Variants in PITPNC1 observed in about 807,000 individuals in gnomAD.
The protein encoded by PITPNC1 is phosphatidylinositol transfer protein cytoplasmic 1, also known as cytoplasmic phosphatidylinositol transfer protein 1.
A neutral mutation model predicts 44.7 loss-of-function variants in PITPNC1; 18 were observed. That is an observed-to-expected ratio of 0.40 (90% confidence interval 0.28 to 0.60). The LOEUF (loss-of-function observed/expected upper bound fraction) is 0.60, where lower values mean the gene tolerates loss of function less well. Ranked by LOEUF, PITPNC1 falls within the 20% of genes least tolerant of loss-of-function variation. The pLI, the probability that PITPNC1 is intolerant of heterozygous loss-of-function variation, is 0.39. For synonymous variants in PITPNC1, 141 were observed against 149.6 expected, an observed-to-expected ratio of 0.94 and a Z score of 0.42; for missense variants, 290 against 418.4, an observed-to-expected ratio of 0.69 and a Z score of 2.68.
rs141939350 is a variant in PITPNC1, at chr17:67,562,651, AGTCATAC to A, written c.294+9037_294+9043del. Among the ~76,000 whole-genome samples the A allele has an allele frequency of 6.8e-3, 1,031 of 152,172 alleles. 12 individuals carry two copies. The highest frequency in any genetic ancestry group is 0.024 in the African/African-American group (977 of 41,502). On this transcript the variant is annotated intron_variant, in intron 4 of 8. Transcript: ENST00000581322. ...AACCACCCACCTTATTTGTATCTAA[AGTCATAC>A]GTAACCCTCACAAGGCAGAAGGGCG...
Position 67,508,335 on chromosome 17 carries a change from TTAA to T in PITPNC1, c.49-24465_49-24463del, listed in dbSNP as rs1157281014. Among the ~76,000 whole-genome samples the T allele has an allele frequency of 1.3e-5, 2 of 152,258 alleles. No homozygotes were observed. Among genetic ancestry groups the T allele is most frequent in the African/African-American group, 4.8e-5 (2 of 41,466 alleles). ...GGTTGCCCAGTTTTACGGTTATTTC[TTAA>T]TGATGTGCTAAACAAGGGGTGGGTT... On this transcript the variant is annotated intron_variant, in intron 1 of 8. Coordinates refer to ENST00000581322, the MANE Select transcript of PITPNC1 (RefSeq NM_012417.4). This position sits in a 1 kb window ranked among gnomAD's most constrained non-coding sequence, Gnocchi z 4.2.
chr17:67,609,129 T>C (rs547091452), intron 5 of PITPNC1, among the ~76,000 whole-genome samples: 1 of 152,028 alleles, frequency 6.6e-6, no homozygotes, highest in Non-Finnish European at 1.5e-5. Context: ...CCCGAAGTGC[T>C]GGGAACACAG....
chr17:67,631,337 T>TA (rs1354475115), intron 5 of PITPNC1, among the ~76,000 whole-genome samples: 4 of 150,592 alleles, frequency 2.7e-5, no homozygotes, highest in African/African-American at 9.7e-5. Context: ...TAAATATATA[T>TA]AAAAATATAT....
At chr17:67,387,503 T>C (rs1263323460) in intron 1 of PITPNC1, among the ~76,000 whole-genome samples, 3 of 151,936 alleles carry the variant, frequency 2.0e-5, no homozygotes, top group Non-Finnish European at 4.4e-5. Flanking sequence ...CCATCTCTAC[T>C]AAAAACACAA....
chr17:67,693,313 C>A lies in PITPNC1; in HGVS notation c.*425C>A, dbSNP rs1469260155. The A allele has an allele frequency of 6.4e-6, 1 of 156,470 alleles. No individual in the cohort carries two copies. Among genetic ancestry groups the A allele is most frequent in the Non-Finnish European group, 1.4e-5 (1 of 70,866 alleles). The allele number at this position is 156,470 out of a possible 1,614,324, so 9.7% of individuals were successfully genotyped here. On this transcript the variant is annotated 3_prime_UTR_variant, in exon 9 of 9. Coordinates refer to ENST00000581322, the MANE Select transcript of PITPNC1 (RefSeq NM_012417.4). Reference sequence around the variant, plus strand: ...ATACTCTCAGGCATAACATACTTAGCTGTTAAATTTTGAACTGCTAATTAC... The same window carrying A: ...ATACTCTCAGGCATAACATACTTAGATGTTAAATTTTGAACTGCTAATTAC...
intron 1 of PITPNC1, among the ~76,000 whole-genome samples, chr17:67,528,491 A>T (rs771488535): frequency 6.6e-6 from 1 of 152,246 alleles, no homozygotes; most frequent in African/African-American, 2.4e-5. Context: ...GAATCTTTCT[A>T]TGTCTTTGGA....
intron 5 of PITPNC1, among the ~76,000 whole-genome samples, chr17:67,599,001 C>CATACATACATAT (rs1213219086): frequency 4.4e-5 from 2 of 45,162 alleles, no homozygotes; most frequent in Admixed American, 6.8e-4. Flanking sequence ...ATAAGAAATA[C>CATACATACATAT]ATATATATAT....
chr17:67,549,834 A>G (rs36090450), intron 2 of PITPNC1, among the ~76,000 whole-genome samples: 1 of 152,156 alleles, frequency 6.6e-6, no homozygotes, highest in Non-Finnish European at 1.5e-5. Flanking sequence ...TCTAAGCTAA[A>G]CAATGCCTGG....
intron 4 of PITPNC1, among the ~76,000 whole-genome samples, chr17:67,569,880 G>A (rs2041028440): frequency 6.6e-6 from 1 of 152,146 alleles, no homozygotes; most frequent in Non-Finnish European, 1.5e-5. Context: ...TGTGCCTTTA[G>A]TCAAGAAGAG....
chr17:67,432,598 T>C (rs527986630), intron 1 of PITPNC1, among the ~76,000 whole-genome samples: 1 of 152,350 alleles, frequency 6.6e-6, no homozygotes, highest in African/African-American at 2.4e-5. Flanking sequence ...TGTATAATTT[T>C]TGTGATATCT....
At chr17:67,674,869 G>A (rs755966244) in intron 7 of PITPNC1, among the ~76,000 whole-genome samples, 5 of 151,714 alleles carry the variant, frequency 3.3e-5, no homozygotes, top group East Asian at 1.9e-4. Flanking sequence ...AAAATTAGCC[G>A]GGCATGGTGG....
intron 1 of PITPNC1, among the ~76,000 whole-genome samples, chr17:67,386,709 G>A (rs929384415): frequency 5.9e-5 from 9 of 152,146 alleles, no homozygotes; most frequent in African/African-American, 2.2e-4. Context: ...GAGTGAGATC[G>A]CAGCACCCTG....
rs536198152 is a variant in PITPNC1 at position 67,401,854 on chromosome 17, AAAAAG to A, written c.48+23666_48+23670del. ...TGAGACTCTACCTCAAAGAAAAAAAAAAAAGAAAAGAAAAGAAATCTAGATTGTTC... is the reference window on the plus strand; with the variant it reads ...TGAGACTCTACCTCAAAGAAAAAAAAAAAAGAAAAGAAATCTAGATTGTTC... On this transcript the variant is annotated intron_variant, in intron 1 of 8. Transcript: ENST00000581322. Among the ~76,000 whole-genome samples, 793 of 151,854 alleles carry A rather than the reference AAAAAG, an allele frequency of 5.2e-3. 9 individuals carry two copies. The highest frequency in any genetic ancestry group is 0.018 in the African/African-American group (732 of 41,414).
intron 1 of PITPNC1, among the ~76,000 whole-genome samples, chr17:67,476,654 G>C (rs1410026216): frequency 6.6e-6 from 1 of 151,780 alleles, no homozygotes. Context: ...TTTAATTTTT[G>C]TTTATTTTTT....
intron 1 of PITPNC1, among the ~76,000 whole-genome samples, chr17:67,522,472 A>C (rs1428698802): frequency 6.6e-6 from 1 of 152,080 alleles, no homozygotes; most frequent in Non-Finnish European, 1.5e-5. Flanking sequence ...CTTCTAAACC[A>C]AAGGTTCATC....
At chr17:67,613,665 A>C (rs1322644425) in intron 5 of PITPNC1, 2 of 152,044 alleles carry the variant, frequency 1.3e-5, no homozygotes, top group Non-Finnish European at 2.9e-5. Context: ...ACCAAAATAC[A>C]AAAATTAACC....
At chr17:67,479,965 C>T (rs2039681404) in intron 1 of PITPNC1, among the ~76,000 whole-genome samples, 1 of 152,104 alleles carries the variant, frequency 6.6e-6, no homozygotes, top group Non-Finnish European at 1.5e-5. Flanking sequence ...AATGACTTTC[C>T]CTGAATTATT....
chr17:67,414,678 CAACCCGCA>C (rs2038560435), intron 1 of PITPNC1, among the ~76,000 whole-genome samples: 1 of 152,072 alleles, frequency 6.6e-6, no homozygotes. Flanking sequence ...AAATATTTGT[CAACCCGCA>C]GGGGTTGAAA....
At chr17:67,454,881 G>A (rs569719731) in intron 1 of PITPNC1, among the ~76,000 whole-genome samples, 3 of 147,820 alleles carry the variant, frequency 2.0e-5, no homozygotes, top group Non-Finnish European at 4.4e-5. Flanking sequence ...GTGCACTGGT[G>A]CAATCACAGC....
Sources: allele counts gnomAD v4.1 joint callset (sites outside exome capture counted in the v4.1 genomes callset), GRCh38; gene constraint gnomAD v4.1.1; non-coding constraint Gnocchi (gnomAD v3.1); transcripts MANE v1.5; gene names NCBI Gene and HGNC (gene_info 2026-07-23, HGNC 2026-07-21).